Variants in GALNT13 observed in about 807,000 individuals in gnomAD.
GALNT13 encodes the protein polypeptide N-acetylgalactosaminyltransferase 13, also known as UDP-GalNAc:polypeptide N-acetylgalactosaminyltransferase 13.
Under a neutral mutation model 64.2 loss-of-function variants are expected in GALNT13, and 28 were observed. The ratio of observed to expected loss-of-function variants is 0.44; its 90% CI spans 0.32 to 0.60. GALNT13 has a LOEUF of 0.60. Ranked by LOEUF, GALNT13 falls within the 20% of genes least tolerant of loss-of-function variation. The pLI, the probability that GALNT13 is intolerant of heterozygous loss-of-function variation, is 0.05. For missense variants in GALNT13, 577 were observed against 669.8 expected (o/e 0.86, Z 1.53); for synonymous variants, 214 against 224.6 (o/e 0.95, Z 0.42).
the GALNT13 span, among the ~76,000 whole-genome samples, chr2:153,228,427 C>A: frequency 6.6e-6 from 1 of 152,238 alleles, no homozygotes; most frequent in African/African-American, 2.4e-5. Context: ...ATGATACAGA[C>A]AAATCAGTGC....
the GALNT13 span, among the ~76,000 whole-genome samples, chr2:153,285,808 G>A: frequency 6.6e-6 from 1 of 151,958 alleles, no homozygotes; most frequent in African/African-American, 2.4e-5. Context: ...AGAAAAATAG[G>A]TATGAATACC....
chr2:154,203,699 T>C (rs1346198381), intron 4 of GALNT13, among the ~76,000 whole-genome samples: 2 of 152,120 alleles, frequency 1.3e-5, no homozygotes, highest in African/African-American at 2.4e-5. Context: ...GAGTCTTTCT[T>C]GATTCTTTTC....
At chr2:153,242,493 A>T in the GALNT13 span, among the ~76,000 whole-genome samples, 1 of 152,208 alleles carries the variant, frequency 6.6e-6, no homozygotes, top group South Asian at 2.1e-4. Context: ...AAACTTATTA[A>T]TTTCATGTGG....
chr2:154,272,120 A>T (rs1573994521), intron 8 of GALNT13, among the ~76,000 whole-genome samples: 1 of 151,990 alleles, frequency 6.6e-6, no homozygotes, highest in East Asian at 1.9e-4. Flanking sequence ...TATAGGGCTT[A>T]TCCAGAAATA....
At chr2:153,925,714 T>C (rs1360082792) in intron 2 of GALNT13, among the ~76,000 whole-genome samples, 3 of 152,120 alleles carry the variant, frequency 2.0e-5, no homozygotes, top group Non-Finnish European at 4.4e-5. Flanking sequence ...CCATTTGTTT[T>C]GTGTCATCTC....
At chr2:154,085,422 A>T (rs565575682) in intron 3 of GALNT13, among the ~76,000 whole-genome samples, 1 of 152,156 alleles carries the variant, frequency 6.6e-6, no homozygotes, top group Non-Finnish European at 1.5e-5. Flanking sequence ...AATTGTAGAG[A>T]TAATTACATC....
chr2:153,437,945 T>A, the GALNT13 span, among the ~76,000 whole-genome samples: 60 of 152,230 alleles, frequency 3.9e-4, no homozygotes, highest in African/African-American at 1.4e-3. Context: ...AATTGGCATG[T>A]TTTTGCAGTG....
intron 2 of GALNT13, among the ~76,000 whole-genome samples, chr2:153,915,327 G>A (rs975494889): frequency 2.0e-5 from 3 of 152,074 alleles, no homozygotes; most frequent in African/African-American, 7.2e-5. Context: ...GTTCTCACTG[G>A]TCTCTACTCT....
At chr2:154,140,615 A>T (rs1421766828) in intron 4 of GALNT13, 110 bp downstream of exon 4, 1 of 685,534 alleles carries the variant, frequency 1.5e-6, no homozygotes, top group Non-Finnish European at 2.4e-6. Context: ...TGTGGTTCTG[A>T]GTACCTATCA....
the GALNT13 span, among the ~76,000 whole-genome samples, chr2:153,805,467 C>T: frequency 1.3e-5 from 2 of 151,968 alleles, no homozygotes; most frequent in South Asian, 4.1e-4. Context: ...AAATTGTTTC[C>T]TTTTCTGAAG....
chr2:153,640,771 G>A, the GALNT13 span, among the ~76,000 whole-genome samples: 2 of 152,152 alleles, frequency 1.3e-5, no homozygotes, highest in African/African-American at 4.8e-5. Context: ...GAAAGAGTGA[G>A]ACTGTCCCAA....
chr2:153,407,473 C>T, the GALNT13 span, among the ~76,000 whole-genome samples: 250 of 152,284 alleles, frequency 1.6e-3, 4 homozygotes, highest in East Asian at 0.046. Flanking sequence ...TTAGACATCT[C>T]AGGTGATCTT....
intron 2 of GALNT13, among the ~76,000 whole-genome samples, chr2:153,924,989 G>A (rs987761984): frequency 7.2e-4 from 110 of 152,176 alleles, no homozygotes; most frequent in African/African-American, 2.5e-3. Flanking sequence ...CAAAAATTTT[G>A]TCCCATTCTG....
At chr2:154,274,901 CT>C in intron 8 of GALNT13, among the ~76,000 whole-genome samples, 1 of 152,190 alleles carries the variant, frequency 6.6e-6, no homozygotes, top group South Asian at 2.1e-4. Context: ...TGTTTAATGG[CT>C]TTGAACAAAA....
At chr2:154,042,936 G>T (rs1699064906) in intron 3 of GALNT13, among the ~76,000 whole-genome samples, 1 of 151,992 alleles carries the variant, frequency 6.6e-6, no homozygotes, top group African/African-American at 2.4e-5. Context: ...AATTGTAAGT[G>T]CTATGGAGAA....
At position 154,047,159 on chromosome 2, in the gene GALNT13, G is replaced by C. The variant is rs189447540; in HGVS notation, c.143-93178G>C. Among the ~76,000 whole-genome samples the C allele has an allele frequency of 3.1e-4, 47 of 152,114 alleles. 1 individual carries two copies. In the East Asian group the frequency reaches 9.1e-3, roughly 29 times the overall value. ...GCTTTCTATTCTTATTTTCTTGTTA[G>C]TGTGATGTTTCACTTAGTTGCATTA... On this transcript the variant is annotated intron_variant, in intron 3 of 12. Transcript: ENST00000392825.
At chr2:153,592,083 A>T in the GALNT13 span, among the ~76,000 whole-genome samples, 2 of 151,330 alleles carry the variant, frequency 1.3e-5, no homozygotes, top group African/African-American at 2.4e-5. Context: ...TATATATATA[A>T]AATGCTCAAG....
the GALNT13 span, among the ~76,000 whole-genome samples, chr2:153,383,842 A>G: frequency 1.3e-5 from 2 of 152,178 alleles, no homozygotes; most frequent in South Asian, 2.1e-4. Context: ...AACTGTGACT[A>G]CAAGCCTTCA....
chr2:153,369,320 GA>G, the GALNT13 span, among the ~76,000 whole-genome samples: 46 of 151,966 alleles, frequency 3.0e-4, no homozygotes, highest in East Asian at 8.3e-3. Context: ...GTATGTCAAT[GA>G]AACTGAAAAC....
Sources: allele counts gnomAD v4.1 joint callset (sites outside exome capture counted in the v4.1 genomes callset), GRCh38; gene constraint gnomAD v4.1.1; transcripts MANE v1.5; gene names NCBI Gene and HGNC (gene_info 2026-07-23, HGNC 2026-07-21).